The following SIGIRR variants were observed in gnomAD, a reference collection of about 807,000 sequenced individuals.
SIGIRR encodes single Ig IL-1-related receptor.
SIGIRR carries 41 observed loss-of-function variants against 45.6 expected under a neutral mutation model. That is an observed-to-expected ratio of 0.90 (90% CI 0.70 to 1.17). SIGIRR has a LOEUF of 1.17. SIGIRR is among the 50% of genes most tolerant of loss of function. SIGIRR has a pLI of 0.00. For synonymous variants in SIGIRR, 298 were observed against 239.0 expected (o/e 1.25, Z -2.28); for missense variants, 599 against 539.6 (o/e 1.11, Z -1.09).
At chr11:409,830 G>A in intron 2 of SIGIRR, 38 bp downstream of exon 2, 1 of 1,366,370 alleles carries the variant, frequency 7.3e-7, no homozygotes. Context: ...GGAGGTGGGA[G>A]TGGGGAATTC....
rs1025969569 is a variant in SIGIRR at position 414,856 on chromosome 11, T to C, written c.-187A>G. ...AGTTCTTTCCTCCGGGGGGCAAATG[T>C]TGGTCATTGGTGCGCCTTTGGGAGC... On this transcript the variant is annotated 5_prime_UTR_variant, in exon 1 of 10. Transcript: ENST00000431843. 8.1e-6 allele frequency: 8 copies of C among 985,404 alleles called. No individual in the cohort carries two copies. The East Asian group carries it at 9.1e-4, about 112-fold the overall frequency. 61.0% of individuals were successfully genotyped at this position (985,404 alleles called of 1,614,324 possible). A position where few individuals can be genotyped will look rare whatever the true frequency, so the allele number is the denominator to read the frequency against.
intron 1 of SIGIRR, among the ~76,000 whole-genome samples, chr11:412,891 C>G (rs534554859): frequency 1.3e-5 from 2 of 152,214 alleles, no homozygotes; most frequent in South Asian, 4.1e-4. Flanking sequence ...ATGGAGGTCT[C>G]GGGTCCCATG....
rs544044876 is a variant in SIGIRR, at chr11:408,158, G to A, written c.255C>T (p.Val85=). 1.2e-6 allele frequency: 2 copies of A among 1,612,780 alleles called. No individual in the cohort carries two copies. The highest frequency in any genetic ancestry group is 2.2e-5 in the South Asian group (2 of 91,086). The change falls in exon 4 of 10, where the codon GTC becomes GTT. Residue 85 remains valine (V), a synonymous_variant. Transcript: ENST00000431843. The part of the protein sequence containing the change: ...SEVLVSSVLG[V]NVTSTEVYGA... ...CATAGACTTCAGTGCTGGTCACGTT[G>A]ACCCCCAGGACACTGGACACAAGCA...
chr11:414,464 C>G (rs1473755305), intron 1 of SIGIRR, among the ~76,000 whole-genome samples: 1 of 151,854 alleles, frequency 6.6e-6, no homozygotes, highest in East Asian at 1.9e-4. Context: ...TGCACCTGCA[C>G]AGAGCTTCAG....
At chr11:406,720 C>G (rs993112500) in intron 8 of SIGIRR, 123 bp downstream of exon 8, 9 of 1,416,530 alleles carry the variant, frequency 6.4e-6, no homozygotes, top group Non-Finnish European at 7.4e-6. Flanking sequence ...AACCTCCCCC[C>G]AGGGCCCATT....
Position 407,517 on chromosome 11 carries a change from C to A in SIGIRR, c.533G>T (p.Arg178Leu). 1.2e-6 allele frequency: 2 copies of A among 1,607,206 alleles called. No homozygotes were observed. Among genetic ancestry groups the A allele is most frequent in the South Asian group, 1.1e-5 (1 of 90,120 alleles). The change falls in exon 6 of 10, where the codon CGC becomes CTC. Residue 178 changes from arginine to leucine, a missense_variant. Arg to Leu is a moderately radical substitution (Grantham distance 102, BLOSUM62 -2). Coordinates refer to ENST00000431843, the MANE Select transcript of SIGIRR (RefSeq NM_001135054.2). ...CTTTAGGATGAAGTTCACGAACTTG[C>A]GGTCCTCGGGGCAGTCGCTGTAGGA... The part of the protein sequence containing the change: ...YVSYSDCPED[R>L]KFVNFILKPQ...
At chr11:415,393 C>T (rs957542516), upstream of SIGIRR, among the ~76,000 whole-genome samples, 5 of 152,000 alleles carry the variant, frequency 3.3e-5, no homozygotes, top group Admixed American at 1.3e-4. This position sits in a 1 kb window ranked among gnomAD's most constrained non-coding sequence, Gnocchi z 6.6. Flanking sequence ...GCCAGGAGAC[C>T]CCCGCCAGGG....
rs1025491209 is a variant in SIGIRR at position 406,410 on chromosome 11, G to A, written c.1008C>T (p.Gly336=). The A allele has an allele frequency of 4.3e-6, 7 of 1,612,736 alleles. No homozygotes were observed. The highest frequency in any genetic ancestry group is 5.9e-6 in the Non-Finnish European group (7 of 1,179,896). The part of the protein sequence containing the change: ...DDKDPMLILR[G]RVPEGRALDS... ...CCAGGGCCCGGCCCTCAGGGACTCG[G>A]CCTCGAAGAATCAGCATGGGGTCCT... Residue 336 remains glycine, a synonymous_variant, in exon 9 of 10, where the codon GGC becomes GGT. Coordinates refer to ENST00000431843, the MANE Select transcript of SIGIRR (RefSeq NM_001135054.2).
Position 405,879 on chromosome 11 carries a change from G to T in SIGIRR, c.*17C>A, listed in dbSNP as rs780801500. On this transcript the variant is annotated 3_prime_UTR_variant, in exon 10 of 10. Transcript: ENST00000431843. ...TGGCCCCCGCTGTCCCTATGATCCT[G>T]CACTCTGGGGTGGGAGCTACATATC... 6.3e-7 allele frequency: 1 copy of T among 1,580,518 alleles called. No homozygotes were observed. Among genetic ancestry groups the T allele is most frequent in the Non-Finnish European group, 8.6e-7 (1 of 1,159,312 alleles).
upstream of SIGIRR, among the ~76,000 whole-genome samples, chr11:416,977 C>T (rs907630850): frequency 6.6e-6 from 1 of 152,156 alleles, no homozygotes; most frequent in Non-Finnish European, 1.5e-5. This position sits in a 1 kb window ranked among gnomAD's most constrained non-coding sequence, Gnocchi z 9.1. Context: ...AGCTGGGATC[C>T]AGGCTTGGGC....
Position 407,603 on chromosome 11 carries a change from G to T in SIGIRR, c.482-35C>A, listed in dbSNP as rs183132215. 3,206 of 1,597,520 alleles carry T rather than the reference G, an allele frequency of 2.0e-3. 68 individuals carry two copies. In the African/African-American group the frequency reaches 0.037, roughly 19 times the overall value. On this transcript the variant is annotated intron_variant, in intron 5 of 9. Transcript: ENST00000431843. ...GCGGCCAGTCACCCCGATGGCTCCC[G>T]AGGCCTCACACCAGCCCTCGGGGTC... is the stretch of plus-strand genomic sequence containing the variant.
rs765867184 is a variant in SIGIRR, at chr11:405,971, G to A, written c.1158C>T (p.Asp386=). ...AGTTTCGCGAGCCGAGATCCGAGAC[G>A]TCCACTTCGCTGCTCCGGCTCTCTC... The part of the protein sequence containing the change: ...SLGESRSSEV[D]VSDLGSRNYS... The change falls in exon 10 of 10, where the codon GAC becomes GAT. Residue 386 remains aspartate (D), a synonymous_variant. Transcript: ENST00000431843. The A allele has an allele frequency of 1.9e-6, 3 of 1,612,456 alleles. No homozygotes were observed. The highest frequency in any genetic ancestry group is 4.5e-5 in the East Asian group (2 of 44,878).
At chr11:408,932 T>TAGGC in intron 2 of SIGIRR, 39 bp from the exon 3 acceptor site, 1 of 1,590,586 alleles carries the variant, frequency 6.3e-7, no homozygotes, top group Non-Finnish European at 8.6e-7. Flanking sequence ...TGTGCCAGGG[T>TAGGC]GCCTGGCCCC....
chr11:407,297 G>T lies in SIGIRR; in HGVS notation c.625+128C>A. 6.4e-6 allele frequency: 5 copies of T among 781,016 alleles called. No homozygotes were observed. The East Asian group carries it at 1.6e-4, about 25-fold the overall frequency. The allele number at this position is 781,016 out of a possible 1,614,324, so 48.4% of individuals were successfully genotyped here. On this transcript the variant is annotated intron_variant, in intron 6 of 9. Transcript: ENST00000431843. ...GCGGGGTGGGCGGGTTTTTGAGGCGGGGCCTCGGGTGGGCGGGGATGGGGG... is the reference window on the plus strand; with the variant it reads ...GCGGGGTGGGCGGGTTTTTGAGGCGTGGCCTCGGGTGGGCGGGGATGGGGG...
Position 408,199 on chromosome 11 carries a change from C to T in SIGIRR, c.214G>A (p.Ala72Thr). 1.2e-6 allele frequency: 2 copies of T among 1,612,508 alleles called. No homozygotes were observed. The highest frequency in any genetic ancestry group is 1.1e-5 in the South Asian group (1 of 91,084). The change falls in exon 4 of 10, where the codon GCC (alanine) becomes ACC (threonine). Residue 72 changes from alanine to threonine, a missense_variant. By Grantham distance (58) the Ala-to-Thr change is moderately conservative. Transcript: ENST00000431843. ...YSLHEYSWVK[A>T]NLSEVLVSSV... The stretch of plus-strand genomic sequence containing the variant: ...GACACAAGCACCTCTGACAGGTTGG[C>T]CTTGACCCTGGGGATACCAAGCCAG...
At position 408,813 on chromosome 11, in the gene SIGIRR, GAGCCA is replaced by G; in HGVS notation, c.83_87del (p.Val28AlafsTer62). On this transcript the variant is annotated frameshift_variant, in exon 3 of 10. Coordinates refer to ENST00000431843, the MANE Select transcript of SIGIRR (RefSeq NM_001135054.2). LOFTEE classifies it high-confidence loss of function. ...GAGACTACCCAAGCCGTGCAGTTCA[GAGCCA>G]CTGAGCTGCCCAAGGCAGGCCTCAG... 6.2e-7 allele frequency: 1 copy of G among 1,612,804 alleles called. No individual in the cohort carries two copies. The highest frequency in any genetic ancestry group is 8.5e-7 in the Non-Finnish European group (1 of 1,179,994).
intron 6 of SIGIRR, 130 bp downstream of exon 6, chr11:407,295 C>CG: frequency 3.4e-6 from 2 of 596,608 alleles, no homozygotes; most frequent in East Asian, 3.9e-5. Context: ...GTTTTTGAGG[C>CG]GGGGCCTCGG....
chr11:416,750 G>A (rs908059694), upstream of SIGIRR, among the ~76,000 whole-genome samples: 11 of 152,142 alleles, frequency 7.2e-5, no homozygotes, highest in African/African-American at 2.7e-4. The surrounding 1 kb of genome is among the most constrained non-coding windows in gnomAD (Gnocchi z 9.1). Context: ...GAGGGGCTCT[G>A]GTTCGCTCCC....
In SIGIRR at chr11:408,876, G is replaced by A. The variant is rs756324224; in HGVS notation, c.25C>T (p.Pro9Ser). The change falls in exon 3 of 10, where the codon CCT becomes TCT. Residue 9 changes from proline (P) to serine (S), a missense_variant. By Grantham distance (74) the Pro-to-Ser change is moderately conservative. Transcript: ENST00000431843. MPGVCDRAPDFLSPSEDQV... is the reference protein window; with the variant it reads MPGVCDRASDFLSPSEDQV... ...TCTTCAGACGGGGAGAGGAAGTCAG[G>A]GGCCCTATCACAGACACCTGAAGAG... 6.6e-5 allele frequency: 106 copies of A among 1,612,532 alleles called. No individual in the cohort carries two copies. In the Admixed American group the frequency reaches 7.5e-4, roughly 11 times the overall value.
Sources: allele counts gnomAD v4.1 joint callset (sites outside exome capture counted in the v4.1 genomes callset), GRCh38; gene constraint gnomAD v4.1.1; non-coding constraint Gnocchi (gnomAD v3.1); transcripts MANE v1.5; gene names NCBI Gene and HGNC (gene_info 2026-07-23, HGNC 2026-07-21).